Variants in TSPAN9 observed in about 807,000 individuals in gnomAD.
The protein encoded by TSPAN9 is tetraspanin-9.
Under a neutral mutation model 31.0 loss-of-function variants are expected in TSPAN9, and 16 were observed. The ratio of observed to expected loss-of-function variants is 0.52; its 90% CI spans 0.35 to 0.78. TSPAN9 has a LOEUF of 0.78. TSPAN9 is among the 30% of genes least tolerant of loss of function. TSPAN9 has a pLI of 0.01. For synonymous variants in TSPAN9, 145 were observed against 121.6 expected (o/e 1.19, Z -1.27); for missense variants, 272 against 312.5 (o/e 0.87, Z 0.98).
chr12:3,226,652 ATGTGTGTGTGTGTGTGTGTG>A (rs59811095), intron 3 of TSPAN9, among the ~76,000 whole-genome samples: 15,274 of 95,238 alleles, frequency 0.16, 1,972 homozygotes, highest in Middle Eastern at 0.2. Flanking sequence ...TTTTATATAT[ATGTGTGTGTGTGTGTGTGTG>A]TGTGTGTGTG....
chr12:3,140,369 G>A (rs1012913586), intron 2 of TSPAN9, among the ~76,000 whole-genome samples: 7 of 152,156 alleles, frequency 4.6e-5, no homozygotes, highest in African/African-American at 1.7e-4. Flanking sequence ...GCCAGTTTGG[G>A]TGTTGTTGAA....
chr12:3,245,759 C>T (rs868230938), intron 3 of TSPAN9, among the ~76,000 whole-genome samples: 39 of 152,308 alleles, frequency 2.6e-4, no homozygotes, highest in Middle Eastern at 6.8e-3. Context: ...ACGGAGCCAT[C>T]GTCAGCATGG....
rs538859429 is a variant in TSPAN9, at chr12:3,121,210, T to G, written c.-18+37491T>G. Among the ~76,000 whole-genome samples the G allele has an allele frequency of 5.0e-4, 76 of 152,328 alleles. No individual in the cohort carries two copies. The South Asian group carries it at 0.011, about 22-fold the overall frequency. ...CTCATTCTCCCAGAGCGAGGCTCTT[T>G]TATTTGCCCTCATTTTGCAGATCTC... is the stretch of plus-strand genomic sequence containing the variant. On this transcript the variant is annotated intron_variant, in intron 2 of 8. Transcript: ENST00000011898.
intron 2 of TSPAN9, among the ~76,000 whole-genome samples, chr12:3,123,625 A>AT (rs34728784): frequency 2.7e-4 from 25 of 91,214 alleles, no homozygotes; most frequent in Non-Finnish European, 6.1e-4. Context: ...ATTATTATGT[A>AT]TTTTTTTTTT....
chr12:3,285,629 G>C lies in TSPAN9; in HGVS notation c.*2513G>C, dbSNP rs1203900998. ...GAGGGCCACACCCAGCGATGCCAGT[G>C]AAGGTGGCACAGCCTCTCTTCAGTT... On this transcript the variant is annotated 3_prime_UTR_variant, in exon 9 of 9. Coordinates refer to ENST00000011898, the MANE Select transcript of TSPAN9 (RefSeq NM_006675.5). 6.6e-6 allele frequency: 1 copy of C among 152,258 alleles called. No homozygotes were observed. Among genetic ancestry groups the C allele is most frequent in the African/African-American group, 2.4e-5 (1 of 41,462 alleles). 9.4% of individuals were successfully genotyped at this position (152,258 alleles called of 1,614,324 possible). A position where few individuals can be genotyped will look rare whatever the true frequency, so the allele number is the denominator to read the frequency against.
chr12:3,220,714 G>A (rs140423302), intron 3 of TSPAN9, among the ~76,000 whole-genome samples: 2 of 152,206 alleles, frequency 1.3e-5, no homozygotes, highest in East Asian at 3.9e-4. Context: ...GGCCGGGGCT[G>A]TCTCAAGATA....
chr12:3,244,766 A>G (rs753548831), intron 3 of TSPAN9, among the ~76,000 whole-genome samples: 9 of 152,128 alleles, frequency 5.9e-5, no homozygotes, highest in Non-Finnish European at 1.2e-4. Flanking sequence ...GCTCAGCAGT[A>G]GAGAAGGGAG....
chr12:3,280,899 TAC>T lies in TSPAN9; in HGVS notation c.433-297_433-296del, dbSNP rs1469387316. The stretch of plus-strand genomic sequence containing the variant: ...GGGTGGCAGTCAGCTTGGGACGGTT[TAC>T]AGAAAGAGCAGAGGTGCTGGTGGGC... On this transcript the variant is annotated intron_variant, in intron 6 of 8. Transcript: ENST00000011898. The surrounding 1 kb of genome is among the most constrained non-coding windows in gnomAD (Gnocchi z 4.5). 6.6e-6 allele frequency among the ~76,000 whole-genome samples: 1 copy of T among 151,388 alleles called. No individual in the cohort carries two copies. Among genetic ancestry groups the T allele is most frequent in the Non-Finnish European group, 1.5e-5 (1 of 67,836 alleles).
At chr12:3,166,827 C>T (rs1004310735) in intron 2 of TSPAN9, among the ~76,000 whole-genome samples, 3 of 152,082 alleles carry the variant, frequency 2.0e-5, no homozygotes, top group Non-Finnish European at 2.9e-5. Context: ...GATGGAGTCT[C>T]GCTCTGTCAC....
intron 3 of TSPAN9, 67 bp from the exon 4 acceptor site, chr12:3,278,354 A>G (rs1253478792): frequency 6.3e-7 from 1 of 1,580,020 alleles, no homozygotes; most frequent in Admixed American, 1.7e-5. Context: ...GGGGACCTGC[A>G]CTGTTCCCAG....
intron 2 of TSPAN9, among the ~76,000 whole-genome samples, chr12:3,191,224 G>A (rs543139592): frequency 6.6e-6 from 1 of 152,158 alleles, no homozygotes; most frequent in South Asian, 2.1e-4. Flanking sequence ...GAGTGGGGTG[G>A]GCAAGCACCT....
chr12:3,278,388 G>C (rs1472245386), intron 3 of TSPAN9, 33 bp from the exon 4 acceptor site: 1 of 1,610,790 alleles, frequency 6.2e-7, no homozygotes, highest in South Asian at 1.1e-5. Context: ...TGTGAGAGCA[G>C]CGCCAGGCTA....
chr12:3,155,661 A>T (rs1565595598), intron 2 of TSPAN9, among the ~76,000 whole-genome samples: 3 of 151,522 alleles, frequency 2.0e-5, no homozygotes. Context: ...TCCCTTTGGG[A>T]GGAGTTAGGC....
chr12:3,160,556 G>A (rs960706814), intron 2 of TSPAN9, among the ~76,000 whole-genome samples: 1 of 152,184 alleles, frequency 6.6e-6, no homozygotes, highest in African/African-American at 2.4e-5. Flanking sequence ...ATTCCCACCA[G>A]TAATGTATTC....
intron 2 of TSPAN9, among the ~76,000 whole-genome samples, chr12:3,090,234 C>G (rs1418317551): frequency 6.6e-6 from 1 of 152,168 alleles, no homozygotes; most frequent in Non-Finnish European, 1.5e-5. Context: ...TTGGCGCAGA[C>G]TTGCTGAATG....
At chr12:3,237,331 C>G (rs1411650473) in intron 3 of TSPAN9, among the ~76,000 whole-genome samples, 1 of 133,518 alleles carries the variant, frequency 7.5e-6, no homozygotes, top group Non-Finnish European at 1.7e-5. Flanking sequence ...CGATCAAAGA[C>G]AGGCTGGTGC....
intron 3 of TSPAN9, among the ~76,000 whole-genome samples, chr12:3,271,298 G>A (rs545767768): frequency 1.3e-5 from 2 of 152,302 alleles, no homozygotes; most frequent in African/African-American, 4.8e-5. Context: ...AGACTAAACT[G>A]TGCTATGGCT....
At chr12:3,120,764 T>G (rs2098324699) in intron 2 of TSPAN9, among the ~76,000 whole-genome samples, 1 of 152,212 alleles carries the variant, frequency 6.6e-6, no homozygotes, top group Non-Finnish European at 1.5e-5. Flanking sequence ...GTCAGTCAGT[T>G]AATGTTGACC....
intron 3 of TSPAN9, among the ~76,000 whole-genome samples, chr12:3,208,512 C>T (rs771355319): frequency 3.3e-5 from 5 of 152,318 alleles, no homozygotes; most frequent in East Asian, 1.9e-4. Flanking sequence ...GCCAGCTGGG[C>T]TGGTGGTCAC....
Sources: gnomAD v4.1 joint callset for allele counts (sites outside exome capture counted in the v4.1 genomes callset) on GRCh38, gnomAD v4.1.1 for gene constraint, Gnocchi (gnomAD v3.1) non-coding constraint, MANE v1.5 for transcripts, NCBI Gene and HGNC (gene_info 2026-07-23, HGNC 2026-07-21) for gene names.